Variants in ZNF8 observed in about 807,000 individuals in gnomAD.
ZNF8 encodes zinc finger protein 8.
A neutral mutation model predicts 12.2 loss-of-function variants in ZNF8; 9 were observed. That is an observed-to-expected ratio of 0.73 (90% CI 0.44 to 1.28). The LOEUF (loss-of-function observed/expected upper bound fraction) is 1.28. Among genes scored for constraint, ZNF8 ranks in the 50% most tolerant of loss-of-function variants. The pLI, the probability that ZNF8 is intolerant of heterozygous loss-of-function variation, is 0.00. For synonymous variants in ZNF8, 274 were observed against 282.3 expected (o/e 0.97, Z 0.30); for missense variants, 664 against 729.1 (o/e 0.91, Z 1.03).
chr19:58,288,966 T>TA (rs1295950322), intron 3 of ZNF8, among the ~76,000 whole-genome samples: 3 of 152,194 alleles, frequency 2.0e-5, no homozygotes, highest in Non-Finnish European at 2.9e-5. Context: ...ATCCAGGATC[T>TA]AAAACGTGTG....
chr19:58,295,627 A>G lies in ZNF8; in HGVS notation c.*91A>G. On this transcript the variant is annotated 3_prime_UTR_variant, in exon 4 of 4. Transcript: ENST00000621650. ...CATGGAAGGAGGGGCTGGGGGTAGAAATGTCATGGGTGACTTCTGACTTTC... is the reference window on the plus strand; with the variant it reads ...CATGGAAGGAGGGGCTGGGGGTAGAGATGTCATGGGTGACTTCTGACTTTC... 1 of 1,132,654 alleles carries G rather than the reference A, an allele frequency of 8.8e-7. No homozygotes were observed. Among genetic ancestry groups the G allele is most frequent in the Non-Finnish European group, 1.3e-6 (1 of 796,898 alleles). The allele number at this position is 1,132,654 out of a possible 1,614,324, so 70.2% of individuals were successfully genotyped here.
Position 58,295,258 on chromosome 19 carries a change from C to T in ZNF8, c.1450C>T (p.Arg484Trp), listed in dbSNP as rs368687727. The change falls in exon 4 of 4, where the codon CGG becomes TGG. Residue 484 changes from arginine (R) to tryptophan (W), a missense_variant. Physicochemically the swap from Arg to Trp is moderately radical, Grantham distance 101. Around this residue, in one of 3 missense-constraint regions of ZNF8, gnomAD observed 225 missense variants for 222.0 expected, o/e 1.01. Coordinates refer to ENST00000621650, the MANE Select transcript of ZNF8 (RefSeq NM_021089.3). ...TTTCATTCAGAGCTCTCACCTCATC[C>T]GGCACCAGATAACTCACACCAGAGA... is the stretch of plus-strand genomic sequence containing the variant. ...KCFIQSSHLI[R>W]HQITHTREEQ... 3.6e-5 allele frequency: 58 copies of T among 1,614,094 alleles called. No homozygotes were observed. Among genetic ancestry groups the T allele is most frequent in the Admixed American group, 1.2e-4 (7 of 59,998 alleles).
In ZNF8 at chr19:58,301,242, A is replaced by AT. The variant is rs1437069548; in HGVS notation, c.*5707dup. The stretch of plus-strand genomic sequence containing the variant: ...TTCCTGGAGGCTGTTTCCACTTGCC[A>AT]TCCCATCATGGAAGCCAGAAAACCA... On this transcript the variant is annotated 3_prime_UTR_variant, in exon 4 of 4. Transcript: ENST00000621650. 1 of 152,132 alleles carries AT rather than the reference A, an allele frequency of 6.6e-6. No individual in the cohort carries two copies. The highest frequency in any genetic ancestry group is 1.5e-5 in the Non-Finnish European group (1 of 68,040). 9.4% of individuals were successfully genotyped at this position (152,132 alleles called of 1,614,324 possible).
intron 3 of ZNF8, among the ~76,000 whole-genome samples, chr19:58,292,374 G>A (rs1359576207): frequency 2.6e-5 from 4 of 152,090 alleles, no homozygotes; most frequent in Non-Finnish European, 5.9e-5. Context: ...GCAGAAGGCC[G>A]CCTTCTCTCT....
chr19:58,281,368 C>A (rs2147953159), intron 1 of ZNF8, among the ~76,000 whole-genome samples: 1 of 152,200 alleles, frequency 6.6e-6, no homozygotes, highest in Admixed American at 6.5e-5. Context: ...CCTTCAGGCT[C>A]CAGAAGTGCA....
intron 1 of ZNF8, among the ~76,000 whole-genome samples, chr19:58,285,246 T>C (rs1269332777): frequency 1.3e-5 from 2 of 151,842 alleles, no homozygotes; most frequent in Non-Finnish European, 2.9e-5. Context: ...CCTCCTGGGC[T>C]CAAGCGATTC....
Position 58,279,234 on chromosome 19 carries a change from G to C in ZNF8, c.66+87G>C, listed in dbSNP as rs1366765783. 20 of 1,535,710 alleles carry C rather than the reference G, an allele frequency of 1.3e-5. No individual in the cohort carries two copies. The East Asian group carries it at 4.9e-4, about 38-fold the overall frequency. ...ACCCTTTCACCTCGCGGCGCGATGA[G>C]AGCGGCACCGCTGTTAATGCCCTTG... is the stretch of plus-strand genomic sequence containing the variant. On this transcript the variant is annotated intron_variant, in intron 1 of 3. Transcript: ENST00000621650.
chr19:58,293,320 C>T (rs111716150), intron 3 of ZNF8, among the ~76,000 whole-genome samples: 78 of 152,266 alleles, frequency 5.1e-4, no homozygotes, highest in African/African-American at 1.2e-3. Context: ...TTATCTCTCC[C>T]GTTGTCAAGC....
chr19:58,284,568 G>T (rs1600453431), intron 1 of ZNF8, among the ~76,000 whole-genome samples: 1 of 152,338 alleles, frequency 6.6e-6, no homozygotes, highest in African/African-American at 2.4e-5. Flanking sequence ...TCACGTAAAG[G>T]CCAGGCGCGG....
chr19:58,286,024 C>T, intron 2 of ZNF8, 86 bp from the exon 3 acceptor site: 1 of 1,478,210 alleles, frequency 6.8e-7, no homozygotes, highest in South Asian at 1.2e-5. Context: ...CACGTGTCCT[C>T]ACAGTCGGGA....
At chr19:58,290,038 C>T (rs1467498179) in intron 3 of ZNF8, among the ~76,000 whole-genome samples, 3 of 151,418 alleles carry the variant, frequency 2.0e-5, no homozygotes, top group South Asian at 2.1e-4. Flanking sequence ...CCTTGTGATC[C>T]GCCCGCCTCA....
rs564411727 is a variant in ZNF8 at position 58,300,304 on chromosome 19, G to C, written c.*4768G>C. On this transcript the variant is annotated 3_prime_UTR_variant, in exon 4 of 4. Transcript: ENST00000621650. The stretch of plus-strand genomic sequence containing the variant: ...TCAGTGGCTCAGCTGTGTCACAGTC[G>C]ATGTTTTCTGCAATCTCTCAACCTT... 1 of 152,248 alleles carries C rather than the reference G, an allele frequency of 6.6e-6. No individual in the cohort carries two copies. Among genetic ancestry groups the C allele is most frequent in the African/African-American group, 2.4e-5 (1 of 41,464 alleles). The allele number at this position is 152,248 out of a possible 1,614,324, so 9.4% of individuals were successfully genotyped here. A position where few individuals can be genotyped will look rare whatever the true frequency, so the allele number is the denominator to read the frequency against.
Position 58,302,494 on chromosome 19 carries a change from A to C in ZNF8, c.*6958A>C, listed in dbSNP as rs530543237. 3 of 151,594 alleles carry C rather than the reference A, an allele frequency of 2.0e-5. No homozygotes were observed. The highest frequency in any genetic ancestry group is 4.8e-5 in the African/African-American group (2 of 41,424). The allele number at this position is 151,594 out of a possible 1,614,324, so 9.4% of individuals were successfully genotyped here. A position where few individuals can be genotyped will look rare whatever the true frequency, so the allele number is the denominator to read the frequency against. ...AGTTATCTTGTGTTTAGAAATTTGG[A>C]ATCCCTTCTAGTTGTCTTGTAACAT... On this transcript the variant is annotated 3_prime_UTR_variant, in exon 4 of 4. Transcript: ENST00000621650.
chr19:58,299,118 T>TC lies in ZNF8; in HGVS notation c.*3582_*3583insC, dbSNP rs2051474814. 1.3e-5 allele frequency: 2 copies of TC among 148,742 alleles called. No individual in the cohort carries two copies. Among genetic ancestry groups the TC allele is most frequent in the African/African-American group, 4.9e-5 (2 of 40,680 alleles). The allele number at this position is 148,742 out of a possible 1,614,324, so 9.2% of individuals were successfully genotyped here. A position where few individuals can be genotyped will look rare whatever the true frequency, so the allele number is the denominator to read the frequency against. On this transcript the variant is annotated 3_prime_UTR_variant, in exon 4 of 4. Transcript: ENST00000621650. ...CCAATGCACCCTGCCAAACAGCAAT[T>TC]TTTTTTTTTTTTGAGACAGAGTCTC... is the stretch of plus-strand genomic sequence containing the variant.
chr19:58,293,522 G>C (rs1426794089), intron 3 of ZNF8, among the ~76,000 whole-genome samples: 1 of 152,150 alleles, frequency 6.6e-6, no homozygotes, highest in African/African-American at 2.4e-5. Context: ...AGAGGGCTTG[G>C]GGAAAGCGGG....
Position 58,300,228 on chromosome 19 carries a change from C to T in ZNF8, c.*4692C>T, listed in dbSNP as rs2051483191. 6.6e-6 allele frequency: 1 copy of T among 152,232 alleles called. No homozygotes were observed. The highest frequency in any genetic ancestry group is 6.5e-5 in the Admixed American group (1 of 15,280). 9.4% of individuals were successfully genotyped at this position (152,232 alleles called of 1,614,324 possible). On this transcript the variant is annotated 3_prime_UTR_variant, in exon 4 of 4. Transcript: ENST00000621650. ...GTGGAGTTAGAATTTGATGTCAGCACCCAGCTGACCATGGCTTAAACAGAT... is the reference window on the plus strand; with the variant it reads ...GTGGAGTTAGAATTTGATGTCAGCATCCAGCTGACCATGGCTTAAACAGAT...
chr19:58,294,238 C>G lies in ZNF8; in HGVS notation c.430C>G (p.Gln144Glu). ...PTTLGKDREC[Q>E]SQSLALKEQN... is the part of the protein sequence containing the mutation. ...CACGTTAGGGAAAGACAGGGAGTGTCAGAGCCAGAGTCTGGCACTCAAGGA... is the reference window on the plus strand; with the variant it reads ...CACGTTAGGGAAAGACAGGGAGTGTGAGAGCCAGAGTCTGGCACTCAAGGA... Residue 144 changes from glutamine to glutamate, a missense_variant, in exon 4 of 4, where the codon CAG (glutamine) becomes GAG (glutamate). Gln to Glu is a conservative substitution (Grantham distance 29). This residue lies in a region of ZNF8 where 306 missense variants were observed against 308.7 expected (regional missense o/e 0.99). Transcript: ENST00000621650. This position sits in a 1 kb window ranked among gnomAD's most constrained non-coding sequence, Gnocchi z 5.5. 6.2e-7 allele frequency: 1 copy of G among 1,614,138 alleles called. No individual in the cohort carries two copies. Among genetic ancestry groups the G allele is most frequent in the African/African-American group, 1.3e-5 (1 of 75,036 alleles).
At chr19:58,287,740 C>T (rs539649998) in intron 3 of ZNF8, among the ~76,000 whole-genome samples, 113 of 149,976 alleles carry the variant, frequency 7.5e-4, no homozygotes, top group Non-Finnish European at 1.4e-3. Context: ...TTCCACCTAC[C>T]TCAGTCTCCC....
At chr19:58,293,353 T>C (rs1230602455) in intron 3 of ZNF8, among the ~76,000 whole-genome samples, 1 of 152,208 alleles carries the variant, frequency 6.6e-6, no homozygotes, top group Non-Finnish European at 1.5e-5. Context: ...ATTCCCTCGA[T>C]ACGTTCCTTC....
Sources: allele counts gnomAD v4.1 joint callset (sites outside exome capture counted in the v4.1 genomes callset), GRCh38; gene constraint gnomAD v4.1.1; regional missense constraint gnomAD v4.1.1; non-coding constraint Gnocchi (gnomAD v3.1); transcripts MANE v1.5; gene names NCBI Gene and HGNC (gene_info 2026-07-23, HGNC 2026-07-21).